Variants in PPARGC1B observed in about 807,000 individuals in gnomAD.
PPARGC1B encodes the protein peroxisome proliferator-activated receptor gamma coactivator 1-beta.
Under a neutral mutation model 101.6 loss-of-function variants are expected in PPARGC1B, and 34 were observed. The observed-to-expected ratio is 0.33, with a 90% CI of 0.25 to 0.45. The LOEUF (loss-of-function observed/expected upper bound fraction) is 0.45. Ranked by LOEUF, PPARGC1B falls within the 20% of genes least tolerant of loss-of-function variation. The pLI is 1.00. For synonymous variants in PPARGC1B, 548 were observed against 539.3 expected (o/e 1.02, Z -0.22); for missense variants, 1,234 against 1,317.6 (o/e 0.94, Z 0.98).
intron 1 of PPARGC1B, chr5:149,771,838 C>T: frequency 2.5e-6 from 1 of 404,264 alleles, no homozygotes; most frequent in Admixed American, 4.4e-5. Context: ...TGAGTTGTAG[C>T]ATTTTCAGGT....
At chr5:149,784,769 G>A (rs1031251170) in intron 1 of PPARGC1B, among the ~76,000 whole-genome samples, 4 of 151,668 alleles carry the variant, frequency 2.6e-5, no homozygotes, top group African/African-American at 7.3e-5. Context: ...GGGTTTCACC[G>A]TGTTAGCCAG....
rs1164995766 is a variant in PPARGC1B at position 149,851,413 on chromosome 5, CTG to C, written c.*3858_*3859del. On this transcript the variant is annotated 3_prime_UTR_variant, in exon 12 of 12. Coordinates refer to ENST00000309241, the MANE Select transcript of PPARGC1B (RefSeq NM_133263.4). ...CAGCTTAAGAGATGGCTCATCCTAA[CTG>C]TGAAGCAAAATCAGCCCCAGAGGAT... 6.6e-6 allele frequency: 1 copy of C among 152,206 alleles called. No individual in the cohort carries two copies. The highest frequency in any genetic ancestry group is 1.5e-5 in the Non-Finnish European group (1 of 68,046). The allele number at this position is 152,206 out of a possible 1,614,324, so 9.4% of individuals were successfully genotyped here.
chr5:149,820,295 T>C, intron 1 of PPARGC1B, 138 bp from the exon 2 acceptor site: 2 of 768,650 alleles, frequency 2.6e-6, no homozygotes, highest in Non-Finnish European at 4.3e-6. Context: ...GTGAAGCTGA[T>C]CTTTCCATTT....
intron 1 of PPARGC1B, among the ~76,000 whole-genome samples, chr5:149,809,565 G>C (rs1220808422): frequency 6.6e-6 from 1 of 151,292 alleles, no homozygotes; most frequent in Non-Finnish European, 1.5e-5. Flanking sequence ...GTGTGCACCT[G>C]TAGTCCTAGC....
At chr5:149,751,262 A>T (rs1350710076) in intron 1 of PPARGC1B, among the ~76,000 whole-genome samples, 1 of 152,226 alleles carries the variant, frequency 6.6e-6, no homozygotes, top group Non-Finnish European at 1.5e-5. Flanking sequence ...ATATGGGATT[A>T]TCTCTTTTTA....
At chr5:149,768,420 AC>A (rs1755996586) in intron 1 of PPARGC1B, among the ~76,000 whole-genome samples, 1 of 149,548 alleles carries the variant, frequency 6.7e-6, no homozygotes, top group African/African-American at 2.5e-5. Context: ...GACTATAGGC[AC>A]GTGCCACCAT....
intron 1 of PPARGC1B, among the ~76,000 whole-genome samples, chr5:149,819,247 C>T (rs1758177849): frequency 6.6e-6 from 1 of 152,232 alleles, no homozygotes; most frequent in Non-Finnish European, 1.5e-5. Context: ...CTCCCCTACT[C>T]ACTGCTGTTA....
chr5:149,734,449 A>G (rs371852273), intron 1 of PPARGC1B, among the ~76,000 whole-genome samples: 15 of 151,216 alleles, frequency 9.9e-5, no homozygotes, highest in Admixed American at 5.9e-4. Flanking sequence ...ATCTTTCCAC[A>G]TCAGTAAATA....
In PPARGC1B at chr5:149,846,092, T is replaced by C. The variant is rs1321352966; in HGVS notation, c.2971+178T>C. On this transcript the variant is annotated intron_variant, in intron 11 of 11. Coordinates refer to ENST00000309241, the MANE Select transcript of PPARGC1B (RefSeq NM_133263.4). Reference sequence around the variant, plus strand: ...TGCCTGAAGACTACCATCCTGTTTCTCTTCTGGCCTCTGGTCCACCTTATC... The same window carrying C: ...TGCCTGAAGACTACCATCCTGTTTCCCTTCTGGCCTCTGGTCCACCTTATC... 18 of 688,402 alleles carry C rather than the reference T, an allele frequency of 2.6e-5. No individual in the cohort carries two copies. In the East Asian group the frequency reaches 3.8e-4, roughly 15 times the overall value. 42.6% of individuals were successfully genotyped at this position (688,402 alleles called of 1,614,324 possible).
intron 1 of PPARGC1B, among the ~76,000 whole-genome samples, chr5:149,734,956 G>A (rs1754645818): frequency 6.6e-6 from 1 of 152,172 alleles, no homozygotes; most frequent in African/African-American, 2.4e-5. Context: ...AGCTGGGACT[G>A]AGCACCCAGA....
rs115161992 is a variant in PPARGC1B at position 149,774,163 on chromosome 5, C to T, written c.78+43743C>T. On this transcript the variant is annotated intron_variant, in intron 1 of 11. Coordinates refer to ENST00000309241, the MANE Select transcript of PPARGC1B (RefSeq NM_133263.4). ...GGTGACATGGGCATCAGAGCCCCAG[C>T]GGAAAGTCCAGGGGTGGCACCTTGC... 1.7e-3 allele frequency among the ~76,000 whole-genome samples: 260 copies of T among 152,296 alleles called. 1 individual carries two copies. The highest frequency in any genetic ancestry group is 5.9e-3 in the African/African-American group (245 of 41,554).
At chr5:149,818,140 C>T (rs180893594) in intron 1 of PPARGC1B, among the ~76,000 whole-genome samples, 29 of 152,320 alleles carry the variant, frequency 1.9e-4, no homozygotes, top group African/African-American at 5.3e-4. Flanking sequence ...GTGGGGAGAG[C>T]GGTACCTGGG....
rs769619393 is a variant in PPARGC1B, at chr5:149,845,882, G to A, written c.2939G>A (p.Arg980Gln). The change falls in exon 11 of 12, where the codon CGG (arginine) becomes CAG (glutamine). Residue 980 changes from arginine (R) to glutamine (Q), a missense_variant. By Grantham distance (43) the Arg-to-Gln change is conservative. Around this residue, in one of 3 missense-constraint regions of PPARGC1B, gnomAD observed 497 missense variants for 529.5 expected, o/e 0.94. Transcript: ENST00000309241. Reference protein sequence around the residue: ...PSFQLSYGGLRHFCWPRYTDY... With the variant: ...PSFQLSYGGLQHFCWPRYTDY... ...TTCCAGCTGAGCTACGGAGGGCTCCGGCACTTCTGCTGGCCCAGATACACT... is the reference window on the plus strand; with the variant it reads ...TTCCAGCTGAGCTACGGAGGGCTCCAGCACTTCTGCTGGCCCAGATACACT... 18 of 1,614,104 alleles carry A rather than the reference G, an allele frequency of 1.1e-5. No homozygotes were observed. Among genetic ancestry groups the A allele is most frequent in the Admixed American group, 1.7e-5 (1 of 60,010 alleles).
chr5:149,772,772 A>G (rs1756183811), intron 1 of PPARGC1B, among the ~76,000 whole-genome samples: 1 of 152,150 alleles, frequency 6.6e-6, no homozygotes, highest in Non-Finnish European at 1.5e-5. Flanking sequence ...GCTTCATCAT[A>G]TGAATTTTAG....
At chr5:149,843,639 G>A (rs991046287) in intron 10 of PPARGC1B, among the ~76,000 whole-genome samples, 4 of 152,112 alleles carry the variant, frequency 2.6e-5, no homozygotes, top group African/African-American at 4.8e-5. Context: ...TTCCACTTAC[G>A]GGTATATATT....
intron 1 of PPARGC1B, among the ~76,000 whole-genome samples, chr5:149,816,909 C>G (rs1048245687): frequency 1.3e-5 from 2 of 152,198 alleles, no homozygotes; most frequent in Non-Finnish European, 2.9e-5. Context: ...TAAACCATCT[C>G]CCTGCTTCTA....
chr5:149,807,491 G>A lies in PPARGC1B; in HGVS notation c.79-12942G>A, dbSNP rs533790936. ...TCAGGACCAAGGTCAGAATTCCAGC[G>A]AGTAGACTGCCAGAGGACATCCTGA... is the stretch of plus-strand genomic sequence containing the variant. On this transcript the variant is annotated intron_variant, in intron 1 of 11. Coordinates refer to ENST00000309241, the MANE Select transcript of PPARGC1B (RefSeq NM_133263.4). Among the ~76,000 whole-genome samples the A allele has an allele frequency of 1.5e-3, 236 of 152,280 alleles. 2 individuals are homozygous for A. The highest frequency in any genetic ancestry group is 0.014 in the Middle Eastern group (4 of 294).
Position 149,730,370 on chromosome 5 carries a change from C to G in PPARGC1B, c.28C>G (p.Leu10Val), listed in dbSNP as rs754793158. The change falls in exon 1 of 12, where the codon CTG (leucine) becomes GTG (valine). Residue 10 changes from leucine to valine, a missense_variant. By Grantham distance (32) the Leu-to-Val change is conservative. Coordinates refer to ENST00000309241, the MANE Select transcript of PPARGC1B (RefSeq NM_133263.4). This position sits in a 1 kb window ranked among gnomAD's most constrained non-coding sequence, Gnocchi z 4.0. MAGNDCGAL[L>V]DEELSSFFLN... ...GGCGGGGAACGACTGCGGCGCGCTG[C>G]TGGACGAAGAGCTCTCCTCCTTCTT... The G allele has an allele frequency of 1.1e-5, 17 of 1,572,980 alleles. No individual in the cohort carries two copies. The Admixed American group carries it at 3.1e-4, about 28-fold the overall frequency.
At position 149,845,822 on chromosome 5, in the gene PPARGC1B, A is replaced by G; in HGVS notation, c.2879A>G (p.Lys960Arg). 1 of 1,614,162 alleles carries G rather than the reference A, an allele frequency of 6.2e-7. No individual in the cohort carries two copies. The part of the protein sequence containing the change: ...CSEHAALSLT[K>R]GAALRKRNEP... ...GAGCACGCGGCCCTCTCTTTGACAA[A>G]GGGCGCTGCCCTGAGGAAGCGCAAC... Residue 960 changes from lysine to arginine, a missense_variant, in exon 11 of 12, where the codon AAG (lysine) becomes AGG (arginine). Coordinates refer to ENST00000309241, the MANE Select transcript of PPARGC1B (RefSeq NM_133263.4).
Sources: gnomAD v4.1 joint callset for allele counts (sites outside exome capture counted in the v4.1 genomes callset) on GRCh38, gnomAD v4.1.1 for gene constraint, gnomAD v4.1.1 regional missense constraint, Gnocchi (gnomAD v3.1) non-coding constraint, MANE v1.5 for transcripts, NCBI Gene and HGNC (gene_info 2026-07-23, HGNC 2026-07-21) for gene names.